PTPRB: variants seen among roughly 807,000 people sequenced by gnomAD.
PTPRB encodes receptor-type tyrosine-protein phosphatase beta.
A neutral mutation model predicts 238.1 loss-of-function variants in PTPRB; 97 were observed. The ratio of observed to expected loss-of-function variants is 0.41; its 90% confidence interval spans 0.35 to 0.48. The LOEUF is 0.48. PTPRB is among the 20% of genes least tolerant of loss of function. The probability of loss-of-function intolerance (pLI) is 0.30; values close to 1 mark genes in which losing one functional copy is unlikely to be tolerated. For synonymous variants in PTPRB, 970 were observed against 995.4 expected, an observed-to-expected ratio of 0.97 and a Z score of 0.48; for missense variants, 2,292 against 2,681.9, an observed-to-expected ratio of 0.85 and a Z score of 3.21.
At chr12:70,587,381 T>A in intron 8 of PTPRB, 114 bp from the exon 9 acceptor site, 1 of 1,231,308 alleles carries the variant, frequency 8.1e-7, no homozygotes, top group Non-Finnish European at 1.1e-6. Flanking sequence ...AACATTTATT[T>A]TATGAATGTC....
intron 3 of PTPRB, among the ~76,000 whole-genome samples, chr12:70,611,209 C>T (rs1884425912): frequency 1.3e-5 from 2 of 152,048 alleles, no homozygotes. Context: ...ATGTTATTGT[C>T]TACTATATCT....
intron 32 of PTPRB, among the ~76,000 whole-genome samples, chr12:70,529,725 A>G (rs1433613539): frequency 6.6e-6 from 1 of 152,170 alleles, no homozygotes; most frequent in African/African-American, 2.4e-5. Context: ...GGCAGAGGTC[A>G]TCAGTGGCTG....
intron 25 of PTPRB, 21 bp downstream of exon 25, chr12:70,539,802 GTAAT>G: frequency 6.3e-7 from 1 of 1,598,222 alleles, no homozygotes; most frequent in Admixed American, 1.7e-5. Context: ...AGATAATATA[GTAAT>G]TAATGTGTTC....
intron 15 of PTPRB, among the ~76,000 whole-genome samples, chr12:70,564,119 T>C (rs1333305526): frequency 6.6e-6 from 1 of 152,220 alleles, no homozygotes; most frequent in Non-Finnish European, 1.5e-5. Flanking sequence ...TGGCTCTGCT[T>C]ATAAATACCC....
intron 1 of PTPRB, among the ~76,000 whole-genome samples, chr12:70,636,807 A>G (rs1383832672): frequency 6.6e-6 from 1 of 152,192 alleles, no homozygotes; most frequent in East Asian, 1.9e-4. Flanking sequence ...TCAAATTGCT[A>G]AACATCAGTA....
intron 3 of PTPRB, among the ~76,000 whole-genome samples, 158 bp downstream of exon 3, chr12:70,622,232 T>A (rs1206784401): frequency 6.6e-6 from 1 of 152,224 alleles, no homozygotes; most frequent in East Asian, 1.9e-4. Flanking sequence ...ATTTTCATTA[T>A]GTAAAATGCT....
chr12:70,526,584 C>T lies in PTPRB; in HGVS notation c.6505-1993G>A, dbSNP rs551337973. Among the ~76,000 whole-genome samples the T allele has an allele frequency of 1.1e-4, 16 of 152,314 alleles. No individual in the cohort carries two copies. In the South Asian group the frequency reaches 3.3e-3, roughly 32 times the overall value. On this transcript the variant is annotated intron_variant, in intron 32 of 33. Transcript: ENST00000334414. ...GATAACTATTCTCTGCTTTTCTGCT[C>T]ACAGACCTTTGTCATTTATTATGAA... is the stretch of plus-strand genomic sequence containing the variant.
intron 10 of PTPRB, among the ~76,000 whole-genome samples, chr12:70,577,161 T>C (rs1256030908): frequency 1.3e-5 from 2 of 152,154 alleles, no homozygotes; most frequent in Non-Finnish European, 2.9e-5. Context: ...TGGGAAGTAA[T>C]AGCTAACACA....
At chr12:70,575,489 A>G (rs1397474093) in intron 11 of PTPRB, among the ~76,000 whole-genome samples, 3 of 152,162 alleles carry the variant, frequency 2.0e-5, no homozygotes, top group South Asian at 4.1e-4. Context: ...CCCATGAACC[A>G]TGGACTCCCA....
Position 70,517,887 on chromosome 12 carries a change from A to G in PTPRB, c.*3602T>C, listed in dbSNP as rs1039996488. On this transcript the variant is annotated 3_prime_UTR_variant, in exon 34 of 34. Transcript: ENST00000334414. The stretch of plus-strand genomic sequence containing the variant: ...GAGAATTTAGTATATGGCCAATAAT[A>G]TTATTGCAAAAGGTAAGGAAAATGT... The G allele has an allele frequency of 6.6e-6, 1 of 152,212 alleles. No homozygotes were observed. The highest frequency in any genetic ancestry group is 6.5e-5 in the Admixed American group (1 of 15,278). The allele number at this position is 152,212 out of a possible 1,614,324, so 9.4% of individuals were successfully genotyped here.
chr12:70,584,570 C>T (rs918489493), intron 9 of PTPRB, among the ~76,000 whole-genome samples: 1 of 151,940 alleles, frequency 6.6e-6, no homozygotes. Context: ...ACAATAAATC[C>T]CAGAAAGACT....
At chr12:70,522,621 G>A (rs1871771877) in intron 33 of PTPRB, 2 of 152,036 alleles carry the variant, frequency 1.3e-5, no homozygotes, top group African/African-American at 2.4e-5. Context: ...CCAGAACTGT[G>A]CCTTGTAAGG....
intron 2 of PTPRB, 91 bp downstream of exon 2, chr12:70,635,580 A>T: frequency 7.2e-7 from 1 of 1,391,734 alleles, no homozygotes. Context: ...ACTTCCCTTA[A>T]ATGTAAAACA....
intron 2 of PTPRB, among the ~76,000 whole-genome samples, chr12:70,627,411 G>A (rs1407919425): frequency 2.0e-5 from 3 of 152,094 alleles, no homozygotes; most frequent in African/African-American, 7.2e-5. Context: ...GCAACACAAT[G>A]ATTTAATTTG....
chr12:70,611,455 A>AT (rs571300840), intron 3 of PTPRB, among the ~76,000 whole-genome samples: 2 of 150,554 alleles, frequency 1.3e-5, no homozygotes, highest in Non-Finnish European at 3.0e-5. Flanking sequence ...CACCCAGCTA[A>AT]TTTTTTTTGT....
intron 4 of PTPRB, among the ~76,000 whole-genome samples, chr12:70,599,716 C>A (rs761169067): frequency 1.3e-5 from 2 of 152,120 alleles, no homozygotes; most frequent in Admixed American, 6.5e-5. Context: ...GCAGGCTTGA[C>A]GTCAACACAA....
At chr12:70,629,786 T>C (rs892799917) in intron 2 of PTPRB, among the ~76,000 whole-genome samples, 1 of 152,056 alleles carries the variant, frequency 6.6e-6, no homozygotes, top group African/African-American at 2.4e-5. Flanking sequence ...CCCACAGAAA[T>C]ACAAACTACC....
chr12:70,595,953 T>C, intron 5 of PTPRB, 96 bp downstream of exon 5: 1 of 1,153,962 alleles, frequency 8.7e-7, no homozygotes, highest in Non-Finnish European at 1.2e-6. Context: ...TAATTAACTT[T>C]GCTCTGGAGT....
intron 31 of PTPRB, 120 bp from the exon 32 acceptor site, chr12:70,532,290 ATTTC>A: frequency 7.9e-7 from 1 of 1,259,742 alleles, no homozygotes; most frequent in Non-Finnish European, 1.1e-6. Context: ...AGATAGGAAT[ATTTC>A]TTTCTCTCAA....
Sources: allele counts gnomAD v4.1 joint callset (sites outside exome capture counted in the v4.1 genomes callset), GRCh38; gene constraint gnomAD v4.1.1; transcripts MANE v1.5; gene names NCBI Gene and HGNC (gene_info 2026-07-23, HGNC 2026-07-21).